MGA: variants seen among roughly 807,000 people sequenced by gnomAD.
MGA encodes MAX dimerization protein MGA, also known as MAX gene-associated protein.
A neutral mutation model predicts 261.1 loss-of-function variants in MGA; 40 were observed. The ratio of observed to expected loss-of-function variants is 0.15; its 90% CI spans 0.12 to 0.20. The LOEUF is 0.20. Among genes scored for constraint, MGA ranks in the 10% least tolerant of loss-of-function variants. The pLI is 1.00. For missense variants in MGA, 3,397 were observed against 3,630.5 expected (o/e 0.94, Z 1.65); for synonymous variants, 1,302 against 1,290.6 (o/e 1.01, Z -0.19).
chr15:41,715,994 T>A (rs1304026784), intron 9 of MGA, among the ~76,000 whole-genome samples: 1 of 152,186 alleles, frequency 6.6e-6, no homozygotes, highest in Non-Finnish European at 1.5e-5. Context: ...TTGATTATTG[T>A]CTTCATCCTG....
At chr15:41,642,631 A>G (rs1036573354) in intron 1 of MGA, among the ~76,000 whole-genome samples, 2 of 151,978 alleles carry the variant, frequency 1.3e-5, no homozygotes, top group African/African-American at 4.8e-5. Flanking sequence ...CTACAGGCGC[A>G]TGCCACCTCA....
chr15:41,718,407 A>C, intron 9 of MGA: 1 of 1,227,482 alleles, frequency 8.1e-7, no homozygotes. Flanking sequence ...TCCATTCGTC[A>C]GGGCAAACAC....
chr15:41,636,362 G>T (rs969661118), intron 1 of MGA, among the ~76,000 whole-genome samples: 1 of 151,664 alleles, frequency 6.6e-6, no homozygotes, highest in Admixed American at 6.6e-5. Flanking sequence ...GCACAGTCTC[G>T]ACTCACTGCA....
intron 2 of MGA, among the ~76,000 whole-genome samples, chr15:41,682,853 A>G (rs2058748638): frequency 6.6e-6 from 1 of 152,086 alleles, no homozygotes; most frequent in Admixed American, 6.6e-5. Flanking sequence ...TGTTTTGTGA[A>G]GTTCATTTTT....
Position 41,714,137 on chromosome 15 carries a change from T to C in MGA, c.3430+641T>C, listed in dbSNP as rs553185585. ...TAATTGAAACAGGTTTCTTAGTTTA[T>C]CAGGGGATTAATACTCCTTTTCTTG... is the stretch of plus-strand genomic sequence containing the variant. On this transcript the variant is annotated intron_variant, in intron 9 of 23. Transcript: ENST00000219905. 1.9e-4 allele frequency among the ~76,000 whole-genome samples: 29 copies of C among 152,364 alleles called. No homozygotes were observed. In the South Asian group the frequency reaches 3.7e-3, roughly 20 times the overall value.
chr15:41,622,424 C>G (rs953697387), intron 1 of MGA, among the ~76,000 whole-genome samples: 1 of 152,132 alleles, frequency 6.6e-6, no homozygotes, highest in Non-Finnish European at 1.5e-5. Flanking sequence ...ACAGCCACTC[C>G]CCTCTCAATC....
At chr15:41,676,960 G>C (rs964851004) in intron 2 of MGA, among the ~76,000 whole-genome samples, 1 of 152,082 alleles carries the variant, frequency 6.6e-6, no homozygotes, top group Non-Finnish European at 1.5e-5. Context: ...GCTCTATTTG[G>C]TAGACAGAAG....
In MGA at chr15:41,727,225, T is replaced by C; in HGVS notation, c.3476T>C (p.Leu1159Ser). The C allele has an allele frequency of 6.2e-7, 1 of 1,613,900 alleles. No homozygotes were observed. The highest frequency in any genetic ancestry group is 8.5e-7 in the Non-Finnish European group (1 of 1,179,838). ...GAACAGCCTGTTCGACATTACCCAT[T>C]ATGGGTAAAAGTAGAAGGTGAAGTA... is the stretch of plus-strand genomic sequence containing the variant. The change falls in exon 10 of 24, where the codon TTA becomes TCA. Residue 1159 changes from leucine (L) to serine (S), a missense_variant. Coordinates refer to ENST00000219905, the MANE Select transcript of MGA (RefSeq NM_001164273.2).
intron 14 of MGA, among the ~76,000 whole-genome samples, chr15:41,741,272 G>A (rs926530858): frequency 6.6e-6 from 1 of 150,626 alleles, no homozygotes; most frequent in African/African-American, 2.5e-5. Context: ...ACTTGAACCC[G>A]GGAGGCAGAG....
chr15:41,681,359 G>T (rs754743388), intron 2 of MGA, among the ~76,000 whole-genome samples: 4 of 144,610 alleles, frequency 2.8e-5, no homozygotes, highest in African/African-American at 7.6e-5. Flanking sequence ...TATATGGGCC[G>T]TTTAGTTGTT....
intron 22 of MGA, among the ~76,000 whole-genome samples, chr15:41,763,836 A>G (rs190581249): frequency 1.4e-4 from 21 of 152,226 alleles, no homozygotes; most frequent in Admixed American, 1.2e-3. Flanking sequence ...AGTTATATTG[A>G]TTTTATGTGT....
chr15:41,735,174 C>T (rs1036114685), intron 12 of MGA, among the ~76,000 whole-genome samples: 7 of 152,220 alleles, frequency 4.6e-5, no homozygotes, highest in African/African-American at 1.7e-4. Flanking sequence ...GTGGAGGAGG[C>T]TACTAGGGTG....
chr15:41,660,339 G>C (rs1223638855), upstream of MGA: 1 of 152,740 alleles, frequency 6.5e-6, no homozygotes, highest in East Asian at 1.9e-4. Context: ...GGTGCTGCTC[G>C]CGTCTCCTTT....
chr15:41,673,028 C>T (rs2150993118), intron 2 of MGA, among the ~76,000 whole-genome samples: 1 of 152,198 alleles, frequency 6.6e-6, no homozygotes, highest in African/African-American at 2.4e-5. Flanking sequence ...CCATTTTTCT[C>T]CTACTTTAAA....
chr15:41,743,296 C>T lies in MGA; in HGVS notation c.5212+124C>T, dbSNP rs757752265. 4.1e-6 allele frequency: 5 copies of T among 1,212,598 alleles called. No homozygotes were observed. In the East Asian group the frequency reaches 1.3e-4, roughly 31 times the overall value. 75.1% of individuals were successfully genotyped at this position (1,212,598 alleles called of 1,614,324 possible). ...TAGGTATTTCTGTTGTAACATGATA[C>T]ATGTATTCCTGAAAACCTCTGCATG... On this transcript the variant is annotated intron_variant, in intron 15 of 23. Coordinates refer to ENST00000219905, the MANE Select transcript of MGA (RefSeq NM_001164273.2).
At chr15:41,638,668 C>G (rs1371593962) in intron 1 of MGA, among the ~76,000 whole-genome samples, 1 of 150,068 alleles carries the variant, frequency 6.7e-6, no homozygotes, top group African/African-American at 2.5e-5. Flanking sequence ...GCTATTTTAC[C>G]TGGCCTTTCT....
intron 11 of MGA, among the ~76,000 whole-genome samples, chr15:41,733,897 C>T (rs1267053703): frequency 1.3e-5 from 2 of 148,594 alleles, no homozygotes; most frequent in Non-Finnish European, 3.0e-5. Flanking sequence ...GTGCATCTTT[C>T]CACATTGGCA....
At chr15:41,683,529 C>G (rs558890934) in intron 2 of MGA, among the ~76,000 whole-genome samples, 1 of 151,158 alleles carries the variant, frequency 6.6e-6, no homozygotes, top group Admixed American at 6.6e-5. Context: ...CTACATTTCT[C>G]TTTTCCAGTG....
chr15:41,695,217 G>T (rs1368031370), intron 2 of MGA, among the ~76,000 whole-genome samples: 1 of 151,036 alleles, frequency 6.6e-6, no homozygotes, highest in African/African-American at 2.4e-5. Context: ...TTGACACAGG[G>T]TCTTGCTCTG....
Sources: gnomAD v4.1 joint callset for allele counts (sites outside exome capture counted in the v4.1 genomes callset) on GRCh38, gnomAD v4.1.1 for gene constraint, MANE v1.5 for transcripts, NCBI Gene and HGNC (gene_info 2026-07-23, HGNC 2026-07-21) for gene names.